The following PLEKHG1 variants were observed in gnomAD, a reference collection of about 807,000 sequenced individuals.
The protein encoded by PLEKHG1 is pleckstrin homology and RhoGEF domain containing G1, also known as pleckstrin homology domain-containing family G member 1.
PLEKHG1 carries 44 observed loss-of-function variants against 100.8 expected under a neutral mutation model. The observed-to-expected ratio is 0.44, with a 90% confidence interval of 0.34 to 0.56. The LOEUF is 0.56. PLEKHG1 is among the 20% of genes least tolerant of loss of function. The pLI, the probability that PLEKHG1 is intolerant of heterozygous loss-of-function variation, is 0.01. For synonymous variants in PLEKHG1, 640 were observed against 662.5 expected (o/e 0.97, Z 0.52); for missense variants, 1,545 against 1,720.9 (o/e 0.90, Z 1.81).
chr6:150,803,614 C>T (rs1012695722), intron 6 of PLEKHG1, among the ~76,000 whole-genome samples: 2 of 152,134 alleles, frequency 1.3e-5, no homozygotes, highest in Admixed American at 1.3e-4. Flanking sequence ...ATCTAACATA[C>T]TTCTGACCAT....
intron 3 of PLEKHG1, among the ~76,000 whole-genome samples, chr6:150,652,473 A>C (rs1269860566): frequency 1.3e-5 from 2 of 152,124 alleles, no homozygotes; most frequent in Admixed American, 1.3e-4. Context: ...CTGTAATCCC[A>C]GCACTTTGGG....
At chr6:150,706,577 T>G (rs1330890478) in intron 3 of PLEKHG1, among the ~76,000 whole-genome samples, 2 of 150,460 alleles carry the variant, frequency 1.3e-5, no homozygotes, top group Non-Finnish European at 3.0e-5. Flanking sequence ...TCATGCCACT[T>G]TGCTCCAGCC....
intron 2 of PLEKHG1, among the ~76,000 whole-genome samples, chr6:150,736,423 G>A (rs542777888): frequency 1.3e-5 from 2 of 152,200 alleles, no homozygotes; most frequent in Non-Finnish European, 2.9e-5. Flanking sequence ...AAGTTTGCTA[G>A]CTGAGAGTGA....
At chr6:150,806,223 CTT>C (rs58040509) in intron 7 of PLEKHG1, among the ~76,000 whole-genome samples, 9,126 of 88,996 alleles carry the variant, frequency 0.1, 256 homozygotes, top group East Asian at 0.29. Context: ...TTCCAGGCTG[CTT>C]TTTTTTTTTT....
chr6:150,697,020 C>T (rs888025875), intron 3 of PLEKHG1, among the ~76,000 whole-genome samples: 3 of 151,756 alleles, frequency 2.0e-5, no homozygotes, highest in Non-Finnish European at 4.4e-5. Context: ...TTGCCTGAAC[C>T]TGGGAGGCAG....
chr6:150,824,325 G>A (rs556369470), intron 14 of PLEKHG1, among the ~76,000 whole-genome samples: 2 of 152,294 alleles, frequency 1.3e-5, no homozygotes, highest in African/African-American at 4.8e-5. Context: ...CTACTGATCA[G>A]TTGGCTTAAT....
chr6:150,682,518 G>A (rs1312066191), intron 3 of PLEKHG1, among the ~76,000 whole-genome samples: 1 of 151,944 alleles, frequency 6.6e-6, no homozygotes, highest in South Asian at 2.1e-4. Context: ...TGCCCAGTTT[G>A]AGAATTTGAA....
chr6:150,758,759 C>T (rs1189557122), intron 2 of PLEKHG1, among the ~76,000 whole-genome samples: 1 of 152,148 alleles, frequency 6.6e-6, no homozygotes, highest in African/African-American at 2.4e-5. Flanking sequence ...GTCTGTGATA[C>T]GGATGCTCTT....
intron 1 of PLEKHG1, among the ~76,000 whole-genome samples, chr6:150,614,709 G>A (rs561560100): frequency 1.2e-4 from 18 of 152,186 alleles, no homozygotes; most frequent in East Asian, 3.9e-4. Context: ...TCTCTCATTC[G>A]CTCTTTAGGG....
chr6:150,621,342 T>G (rs6902936), intron 1 of PLEKHG1, among the ~76,000 whole-genome samples: 151,417 of 151,676 alleles, frequency 1, 75,579 homozygotes, highest in Middle Eastern at 1. Flanking sequence ...CCTATTAGTT[T>G]TACCACCTCA....
At chr6:150,799,239 C>T (rs1157101021) in intron 5 of PLEKHG1, among the ~76,000 whole-genome samples, 1 of 152,156 alleles carries the variant, frequency 6.6e-6, no homozygotes, top group Non-Finnish European at 1.5e-5. Context: ...CCAAAGTTCC[C>T]TTCTCCCACT....
intron 3 of PLEKHG1, among the ~76,000 whole-genome samples, chr6:150,685,075 A>G (rs1051334491): frequency 2.6e-5 from 4 of 152,100 alleles, no homozygotes; most frequent in Admixed American, 6.5e-5. Context: ...TTCCAGGTGA[A>G]TGCACAGCTG....
At chr6:150,647,163 G>T (rs1425076959) in intron 2 of PLEKHG1, among the ~76,000 whole-genome samples, 1 of 152,156 alleles carries the variant, frequency 6.6e-6, no homozygotes, top group Non-Finnish European at 1.5e-5. Flanking sequence ...TATCAGACAT[G>T]ACTTTAAATC....
intron 1 of PLEKHG1, among the ~76,000 whole-genome samples, chr6:150,601,199 C>T (rs1454842850): frequency 3.9e-5 from 6 of 152,152 alleles, no homozygotes; most frequent in Admixed American, 2.6e-4. Context: ...GTGTTAAAAC[C>T]GGCATCTTCT....
chr6:150,646,120 T>TA (rs1778486835), intron 2 of PLEKHG1, among the ~76,000 whole-genome samples: 1 of 152,202 alleles, frequency 6.6e-6, no homozygotes, highest in African/African-American at 2.4e-5. Context: ...GAAAGCAAGT[T>TA]ACAATCGTGT....
intron 2 of PLEKHG1, among the ~76,000 whole-genome samples, chr6:150,645,780 T>C (rs77499686): frequency 6.6e-6 from 1 of 152,064 alleles, no homozygotes; most frequent in East Asian, 1.9e-4. Flanking sequence ...GGAACTCTTA[T>C]ACACTATGGG....
rs553396558 is a variant in PLEKHG1, at chr6:150,819,568, AAAT to A, written c.1313-90_1313-88del. On this transcript the variant is annotated intron_variant, in intron 11 of 15. Coordinates refer to ENST00000358517, the Ensembl canonical transcript of PLEKHG1. Reference sequence around the variant, plus strand: ...GTGACAGAGCAAGACTCTGTCTCAAAAATAATAATAATAATAATAATAAATCCA... The same window carrying A: ...GTGACAGAGCAAGACTCTGTCTCAAAAATAATAATAATAATAATAAATCCA... 2,559 of 504,568 alleles carry A rather than the reference AAAT, an allele frequency of 5.1e-3. 4 individuals are homozygous for A. Among genetic ancestry groups the A allele is most frequent in the Middle Eastern group, 9.0e-3 (17 of 1,892 alleles). The allele number at this position is 504,568 out of a possible 1,614,324, so 31.3% of individuals were successfully genotyped here.
At chr6:150,750,367 C>T (rs1474661091) in intron 2 of PLEKHG1, among the ~76,000 whole-genome samples, 1 of 152,184 alleles carries the variant, frequency 6.6e-6, no homozygotes, top group Non-Finnish European at 1.5e-5. Flanking sequence ...CTAAGCTGCA[C>T]CCTGGGCTAG....
chr6:150,657,573 AT>A, intron 3 of PLEKHG1, among the ~76,000 whole-genome samples: 1 of 152,346 alleles, frequency 6.6e-6, no homozygotes, highest in East Asian at 1.9e-4. Flanking sequence ...GTATTGGTAG[AT>A]TATCAGTATT....
Sources: gnomAD v4.1 joint callset for allele counts (sites outside exome capture counted in the v4.1 genomes callset) on GRCh38, gnomAD v4.1.1 for gene constraint, MANE v1.5 for transcripts, NCBI Gene and HGNC (gene_info 2026-07-23, HGNC 2026-07-21) for gene names.